PRRT3: variants seen among roughly 807,000 people sequenced by gnomAD.
PRRT3 encodes proline rich transmembrane protein 3.
PRRT3 carries 48 observed loss-of-function variants against 56.6 expected under a neutral mutation model. That is an observed-to-expected ratio of 0.85 (90% confidence interval 0.67 to 1.08). The LOEUF (loss-of-function observed/expected upper bound fraction) is 1.08. Among genes scored for constraint, PRRT3 ranks in the 50% least tolerant of loss-of-function variants. The probability of loss-of-function intolerance (pLI) is 0.00; values close to 1 mark genes in which losing one functional copy is unlikely to be tolerated. For missense variants in PRRT3, 1,370 were observed against 1,353.1 expected (o/e 1.01, Z -0.20); for synonymous variants, 641 against 619.1 (o/e 1.04, Z -0.52).
At position 9,946,441 on chromosome 3, in the gene PRRT3, G is replaced by A. The variant is rs2085521987; in HGVS notation, c.2732C>T (p.Ser911Leu). The change falls in exon 4 of 4, where the codon TCA becomes TTA. Residue 911 changes from serine (S) to leucine (L), a missense_variant. Ser to Leu is a moderately radical substitution (Grantham distance 145). Coordinates refer to ENST00000412055, the MANE Select transcript of PRRT3 (RefSeq NM_207351.5). The surrounding 1 kb of genome is among the most constrained non-coding windows in gnomAD (Gnocchi z 4.1). ...GSSLDSFSRG[S>L]LKISWNPWRH... ...CCAGGGGTTCCAACTGATCTTGAGT[G>A]AACCCCTGGAGAAGCTGTCGAGGGA... 1.9e-6 allele frequency: 3 copies of A among 1,589,240 alleles called. No homozygotes were observed.
chr3:9,948,131 T>A, intron 3 of PRRT3, 130 bp from the exon 4 acceptor site: 1 of 976,338 alleles, frequency 1.0e-6, no homozygotes, highest in Non-Finnish European at 1.3e-6. Flanking sequence ...AGCACCTGCC[T>A]CATTGCGTTG....
intron 1 of PRRT3, among the ~76,000 whole-genome samples, chr3:9,951,725 C>T (rs1285652722): frequency 1.3e-5 from 2 of 152,156 alleles, no homozygotes; most frequent in Non-Finnish European, 2.9e-5. Context: ...CTGAGCTTAG[C>T]AACACGTCAC....
rs769428729 is a variant in PRRT3, at chr3:9,946,366, C to T, written c.2807G>A (p.Ser936Asn). ...VDSLPLDELP[S>N]TVQLLPAPTP... ...CGGGGCAGGCAGTAGCTGTACCGTG[C>T]TGGGCAACTCATCTAGGGGCAGACT... The change falls in exon 4 of 4, where the codon AGC (serine) becomes AAC (asparagine). Residue 936 changes from serine (S) to asparagine (N), a missense_variant. Transcript: ENST00000412055. The surrounding 1 kb of genome is among the most constrained non-coding windows in gnomAD (Gnocchi z 4.1). The T allele has an allele frequency of 1.9e-6, 3 of 1,609,660 alleles. No homozygotes were observed. In the African/African-American group the frequency reaches 4.0e-5, roughly 22 times the overall value.
Position 9,946,196 on chromosome 3 carries a change from C to A in PRRT3, c.*31G>T. The stretch of plus-strand genomic sequence containing the variant: ...TAGGCCATGCCATGTGGGCATCGGG[C>A]AGGGTCCTGGCCCTGCGTCAGGACC... On this transcript the variant is annotated 3_prime_UTR_variant, in exon 4 of 4. Transcript: ENST00000412055. This position sits in a 1 kb window ranked among gnomAD's most constrained non-coding sequence, Gnocchi z 4.1. 6.3e-7 allele frequency: 1 copy of A among 1,592,788 alleles called. No individual in the cohort carries two copies. Among genetic ancestry groups the A allele is most frequent in the South Asian group, 1.1e-5 (1 of 89,342 alleles).
In PRRT3 at chr3:9,946,571, G is replaced by A. The variant is rs780585705; in HGVS notation, c.2602C>T (p.Leu868Phe). 1.2e-5 allele frequency: 17 copies of A among 1,411,134 alleles called. No homozygotes were observed. In the East Asian group the frequency reaches 2.0e-4, roughly 17 times the overall value. The allele number at this position is 1,411,134 out of a possible 1,614,324, so 87.4% of individuals were successfully genotyped here. A position where few individuals can be genotyped will look rare whatever the true frequency, so the allele number is the denominator to read the frequency against. ...AELDDAGSSL[L>F]RGRCRSLSDV... ...CTGAGCGACCTGCAGCGGCCGCGGA[G>A]GAGCGAGGAGCCAGCGTCGTCGAGC... is the stretch of plus-strand genomic sequence containing the variant. The change falls in exon 4 of 4, where the codon CTC (leucine) becomes TTC (phenylalanine). Residue 868 changes from leucine (L) to phenylalanine (F), a missense_variant. Leu to Phe is a conservative substitution (Grantham distance 22). Transcript: ENST00000412055. This position sits in a 1 kb window ranked among gnomAD's most constrained non-coding sequence, Gnocchi z 4.1.
In PRRT3 at chr3:9,947,608, A is replaced by C; in HGVS notation, c.1565T>G (p.Leu522Arg). 6.3e-7 allele frequency: 1 copy of C among 1,599,756 alleles called. No homozygotes were observed. The highest frequency in any genetic ancestry group is 8.5e-7 in the Non-Finnish European group (1 of 1,173,212). Residue 522 changes from leucine (L) to arginine (R), a missense_variant, in exon 4 of 4, where the codon CTT (leucine) becomes CGT (arginine). Leu to Arg is a moderately radical substitution (Grantham distance 102, BLOSUM62 -2). Transcript: ENST00000412055. The surrounding 1 kb of genome is among the most constrained non-coding windows in gnomAD (Gnocchi z 9.2). ...VASALRSAYM[L>R]TDPYGSQARL... ...CGCCTGCGAGCCGTAAGGGTCGGTA[A>C]GCATGTAGGCGGATCGCAGCGCCGA...
chr3:9,949,679 G>A lies in PRRT3; in HGVS notation c.437C>T (p.Pro146Leu). 2 of 1,614,122 alleles carry A rather than the reference G, an allele frequency of 1.2e-6. No individual in the cohort carries two copies. Among genetic ancestry groups the A allele is most frequent in the Non-Finnish European group, 1.7e-6 (2 of 1,180,026 alleles). Residue 146 changes from proline to leucine, a missense_variant, in exon 2 of 4, where the codon CCA becomes CTA. By Grantham distance (98) the Pro-to-Leu change is moderately conservative (BLOSUM62 -3). Coordinates refer to ENST00000412055, the MANE Select transcript of PRRT3 (RefSeq NM_207351.5). The surrounding 1 kb of genome is among the most constrained non-coding windows in gnomAD (Gnocchi z 4.5). The stretch of plus-strand genomic sequence containing the variant: ...GAAAGTGAGATGAGGGTGGCCCACT[G>A]GGTGGGGAGCCACTGCTTCTTGCTG... ...LLQQEAVAPH[P>L]VGHPHLTFIP...
intron 1 of PRRT3, among the ~76,000 whole-genome samples, chr3:9,951,964 C>G (rs1371850039): frequency 6.6e-6 from 1 of 152,232 alleles, no homozygotes; most frequent in Non-Finnish European, 1.5e-5. Flanking sequence ...ACTGCCAACC[C>G]AAGAGATGTG....
Position 9,946,535 on chromosome 3 carries a change from C to A in PRRT3, c.2638G>T (p.Val880Leu), listed in dbSNP as rs966358400. Residue 880 changes from valine (V) to leucine (L), a missense_variant, in exon 4 of 4, where the codon GTG becomes TTG. Coordinates refer to ENST00000412055, the MANE Select transcript of PRRT3 (RefSeq NM_207351.5). The surrounding 1 kb of genome is among the most constrained non-coding windows in gnomAD (Gnocchi z 4.1). The stretch of plus-strand genomic sequence containing the variant: ...ACGTGCTGTGGGACCGGCCCGCGCA[C>A]GCGCACGTCGCTGAGCGACCTGCAG... The part of the protein sequence containing the change: ...GRCRSLSDVR[V>L]RGPVPQHVVE... 14 of 1,461,616 alleles carry A rather than the reference C, an allele frequency of 9.6e-6. No homozygotes were observed. In the East Asian group the frequency reaches 1.9e-4, roughly 20 times the overall value. 90.5% of individuals were successfully genotyped at this position (1,461,616 alleles called of 1,614,324 possible). A position where few individuals can be genotyped will look rare whatever the true frequency, so the allele number is the denominator to read the frequency against.
Position 9,947,154 on chromosome 3 carries a change from C to T in PRRT3, c.2019G>A (p.Trp673Ter). The T allele has an allele frequency of 6.5e-7, 1 of 1,536,486 alleles. No homozygotes were observed. The highest frequency in any genetic ancestry group is 8.7e-7 in the Non-Finnish European group (1 of 1,146,926). Residue 673 changes from tryptophan to a stop codon, truncating the protein, a stop_gained, in exon 4 of 4, where the codon TGG becomes TGA. Coordinates refer to ENST00000412055, the MANE Select transcript of PRRT3 (RefSeq NM_207351.5). LOFTEE classifies it high-confidence loss of function. This position sits in a 1 kb window ranked among gnomAD's most constrained non-coding sequence, Gnocchi z 9.2. ...GCCAGAAGTGGACACCCCACCAGGC[C>T]CACGAGAAGCGGCCCACGCGGCCTG... is the stretch of plus-strand genomic sequence containing the variant. ...PGPGRVGRFS[W>*]AWWGVHFWLR...
chr3:9,950,262 A>C (rs2085603519), intron 1 of PRRT3, 90 bp from the exon 2 acceptor site: 2 of 498,354 alleles, frequency 4.0e-6, no homozygotes, highest in Non-Finnish European at 6.4e-6. Flanking sequence ...AAAGCAACGC[A>C]AGGCAGCAGC....
rs187203537 is a variant in PRRT3, at chr3:9,948,871, C to T, written c.1058G>A (p.Arg353Gln). Residue 353 changes from arginine (R) to glutamine (Q), a missense_variant, in exon 3 of 4, where the codon CGG becomes CAG. Physicochemically the swap from Arg to Gln is conservative, Grantham distance 43. Transcript: ENST00000412055. ...TGGGGCCTCCACAGCTCCTCTCACC[C>T]GCTGGGGGGAGATGGGGTCTGCTCC... The part of the protein sequence containing the change: ...MNGADPISPQ[R>Q]VRGAVEAPGT... The T allele has an allele frequency of 8.2e-5, 131 of 1,605,854 alleles. No individual in the cohort carries two copies. Among genetic ancestry groups the T allele is most frequent in the East Asian group, 4.0e-4 (18 of 44,732 alleles).
chr3:9,949,941 C>T lies in PRRT3; in HGVS notation c.175G>A (p.Asp59Asn), dbSNP rs1402433496. 1 of 1,603,648 alleles carries T rather than the reference C, an allele frequency of 6.2e-7. No homozygotes were observed. Among genetic ancestry groups the T allele is most frequent in the Non-Finnish European group, 8.5e-7 (1 of 1,174,884 alleles). Reference protein sequence around the residue: ...GSVGSEPQAFDVFPENPRADS... With the variant: ...GSVGSEPQAFNVFPENPRADS... ...GCTCTGGGGTTCTCCGGGAACACGTCAAAGGCCTGGGGCTCTGAGCCCACA... is the reference window on the plus strand; with the variant it reads ...GCTCTGGGGTTCTCCGGGAACACGTTAAAGGCCTGGGGCTCTGAGCCCACA... The change falls in exon 2 of 4, where the codon GAC becomes AAC. Residue 59 changes from aspartate to asparagine, a missense_variant. Asp to Asn is a conservative substitution (Grantham distance 23, BLOSUM62 1). Transcript: ENST00000412055. The surrounding 1 kb of genome is among the most constrained non-coding windows in gnomAD (Gnocchi z 4.5).
Position 9,949,530 on chromosome 3 carries a change from C to T in PRRT3, c.586G>A (p.Val196Ile), listed in dbSNP as rs2085587213. The change falls in exon 2 of 4, where the codon GTC becomes ATC. Residue 196 changes from valine (V) to isoleucine (I), a missense_variant. Transcript: ENST00000412055. The surrounding 1 kb of genome is among the most constrained non-coding windows in gnomAD (Gnocchi z 4.5). ...TGGTCTGAGGGAGAAGTGGGTGGGA[C>T]CCTGCTCTTAGTTTTGGCCTTCAGA... The part of the protein sequence containing the change: ...EGLKAKTKSR[V>I]PPTSPSDHQG... The T allele has an allele frequency of 6.2e-7, 1 of 1,613,900 alleles. No individual in the cohort carries two copies. Among genetic ancestry groups the T allele is most frequent in the African/African-American group, 1.3e-5 (1 of 74,898 alleles).
intron 3 of PRRT3, 132 bp downstream of exon 3, chr3:9,948,626 C>T (rs1351466102): frequency 9.9e-7 from 1 of 1,007,680 alleles, no homozygotes; most frequent in East Asian, 2.4e-5. Context: ...TTGAAGGAGG[C>T]CCTGGGCAAC....
At chr3:9,951,421 C>A (rs9868420) in intron 1 of PRRT3, among the ~76,000 whole-genome samples, 3,715 of 152,248 alleles carry the variant, frequency 0.024, 169 homozygotes, top group African/African-American at 0.085. Context: ...GGTGCTCTCC[C>A]GGGGAAAAGA....
At chr3:9,948,277 C>A (rs1250682465) in intron 3 of PRRT3, 4 of 368,930 alleles carry the variant, frequency 1.1e-5, no homozygotes, top group Non-Finnish European at 1.9e-5. Context: ...ATATTAGAAT[C>A]TTCTGGAGAC....
In PRRT3 at chr3:9,946,392, G is replaced by A; in HGVS notation, c.2781C>T (p.Asp927=). The stretch of plus-strand genomic sequence containing the variant: ...TGGGCAACTCATCTAGGGGCAGACT[G>A]TCCACTGATGACAGCCCGTGGCGCC... ...NPWRHGLSSV[D]SLPLDELPST... is the part of the protein sequence containing the mutation. The change falls in exon 4 of 4, where the codon GAC becomes GAT. Residue 927 remains aspartate (D), a synonymous_variant. Coordinates refer to ENST00000412055, the MANE Select transcript of PRRT3 (RefSeq NM_207351.5). The surrounding 1 kb of genome is among the most constrained non-coding windows in gnomAD (Gnocchi z 4.1). The A allele has an allele frequency of 6.2e-7, 1 of 1,607,590 alleles. No individual in the cohort carries two copies. The highest frequency in any genetic ancestry group is 8.5e-7 in the Non-Finnish European group (1 of 1,176,274).
chr3:9,948,725 C>G, intron 3 of PRRT3, 33 bp downstream of exon 3: 3 of 1,613,372 alleles, frequency 1.9e-6, no homozygotes, highest in Non-Finnish European at 2.5e-6. Flanking sequence ...AGACAGAGCA[C>G]TCCCTCTCCC....
Sources: allele counts gnomAD v4.1 joint callset (sites outside exome capture counted in the v4.1 genomes callset), GRCh38; gene constraint gnomAD v4.1.1; non-coding constraint Gnocchi (gnomAD v3.1); transcripts MANE v1.5; gene names NCBI Gene and HGNC (gene_info 2026-07-23, HGNC 2026-07-21).